SI: variants seen among roughly 807,000 people sequenced by gnomAD.
SI encodes sucrase-isomaltase, intestinal.
SI carries 235 observed loss-of-function variants against 253.3 expected under a neutral mutation model. The ratio of observed to expected loss-of-function variants is 0.93; its 90% CI spans 0.83 to 1.03. The LOEUF (loss-of-function observed/expected upper bound fraction) is 1.03. Ranked by LOEUF, SI falls within the 50% of genes least tolerant of loss-of-function variation. The probability of loss-of-function intolerance (pLI) is 0.00; values close to 1 mark genes in which losing one functional copy is unlikely to be tolerated. For missense variants in SI, 2,442 were observed against 2,211.1 expected (o/e 1.10, Z -2.09); for synonymous variants, 819 against 712.0 (o/e 1.15, Z -2.39).
intron 41 of SI, among the ~76,000 whole-genome samples, chr3:164,993,382 T>TG (rs1396751951): frequency 6.6e-6 from 1 of 151,828 alleles, no homozygotes; most frequent in East Asian, 1.9e-4. Flanking sequence ...CTTTTGTTGT[T>TG]GTTTTAGGAA....
Position 164,992,182 on chromosome 3 carries a change from G to A in SI, c.4978C>T (p.His1660Tyr). ...YVPNARWFDY[H>Y]TGKDIGVRGQ... ...AGAATTCCTTAAATACTTACTGTAT[G>A]GTAGTCAAACCACCGAGCATTGGGG... Residue 1660 changes from histidine (H) to tyrosine (Y), a missense_variant, in exon 43 of 48, where the codon CAT becomes TAT. Coordinates refer to ENST00000264382, the MANE Select transcript of SI (RefSeq NM_001041.4). 1 of 1,609,840 alleles carries A rather than the reference G, an allele frequency of 6.2e-7. No homozygotes were observed.
chr3:165,075,944 TA>T lies in SI; in HGVS notation c.68del (p.Ile23LysfsTer5). The T allele has an allele frequency of 6.2e-7, 1 of 1,600,252 alleles. No homozygotes were observed. The highest frequency in any genetic ancestry group is 8.5e-7 in the Non-Finnish European group (1 of 1,169,798). ...CTAAAACAACAATTAAGGCAATAGC[TA>T]TTATAGTAACTATGACAAAAAGGAC... ...LIVLFVIVTI[I>X]AIALIVVLAT... On this transcript the variant is annotated frameshift_variant, in exon 2 of 48. Coordinates refer to ENST00000264382, the MANE Select transcript of SI (RefSeq NM_001041.4). LOFTEE classifies it high-confidence loss of function.
chr3:165,009,914 C>T (rs1379755527), intron 34 of SI, among the ~76,000 whole-genome samples: 3 of 152,100 alleles, frequency 2.0e-5, no homozygotes, highest in Admixed American at 2.0e-4. Flanking sequence ...AGAATATTCC[C>T]TACTTGCCAG....
At chr3:165,021,166 T>G in intron 27 of SI, 63 bp downstream of exon 27, 1 of 1,450,884 alleles carries the variant, frequency 6.9e-7, no homozygotes, top group Non-Finnish European at 9.7e-7. Flanking sequence ...GTTAATCATT[T>G]TACTTTTCCC....
intron 12 of SI, 74 bp from the exon 13 acceptor site, chr3:165,055,381 G>A (rs979018390): frequency 3.8e-5 from 31 of 813,816 alleles, no homozygotes; most frequent in Non-Finnish European, 6.2e-5. Flanking sequence ...AATTAATAAA[G>A]TTGAGAATAG....
At chr3:165,021,478 T>C in intron 26 of SI, 95 bp from the exon 27 acceptor site, 2 of 975,420 alleles carry the variant, frequency 2.1e-6, no homozygotes, top group African/African-American at 3.3e-5. Flanking sequence ...AACAAGAATA[T>C]TTAGAATTTT....
intron 14 of SI, 132 bp downstream of exon 14, chr3:165,049,659 A>C: frequency 1.6e-6 from 1 of 633,368 alleles, no homozygotes; most frequent in Non-Finnish European, 2.8e-6. Context: ...TGAAGAAAAG[A>C]TAAACAAATT....
At chr3:165,023,816 C>T (rs182639508) in intron 25 of SI, 40 bp from the exon 26 acceptor site, 1 of 1,413,364 alleles carries the variant, frequency 7.1e-7, no homozygotes. Flanking sequence ...AAATTATAAG[C>T]CTTGTAATAT....
chr3:165,043,607 G>A (rs931674225), intron 16 of SI, among the ~76,000 whole-genome samples: 14 of 152,034 alleles, frequency 9.2e-5, no homozygotes, highest in African/African-American at 3.4e-4. Flanking sequence ...GTTGAGCTTT[G>A]AAATTAATTA....
At chr3:165,063,388 T>C (rs1462100992) in intron 8 of SI, 54 bp downstream of exon 8, 11 of 841,778 alleles carry the variant, frequency 1.3e-5, no homozygotes, top group Non-Finnish European at 2.0e-5. Context: ...AAGAGAGCAG[T>C]TAAAACATTT....
chr3:165,054,794 G>A (rs192225370), intron 13 of SI, among the ~76,000 whole-genome samples: 1 of 152,212 alleles, frequency 6.6e-6, no homozygotes, highest in Admixed American at 6.6e-5. Flanking sequence ...AAGGGCAGGG[G>A]CTTATTCAGA....
At chr3:165,079,708 C>T (rs1055472203), upstream of SI, among the ~76,000 whole-genome samples, 6 of 151,456 alleles carry the variant, frequency 4.0e-5, no homozygotes, top group African/African-American at 1.5e-4. Context: ...AAAGCAAGGT[C>T]ACAGGATATA....
At chr3:165,011,951 C>T (rs1334043268) in intron 34 of SI, among the ~76,000 whole-genome samples, 1 of 151,686 alleles carries the variant, frequency 6.6e-6, no homozygotes, top group Non-Finnish European at 1.5e-5. Flanking sequence ...ATGAATTGGC[C>T]CTTTTGTCAT....
Position 165,067,381 on chromosome 3 carries a change from T to C in SI, c.594A>G (p.Pro198=). 3 of 1,611,998 alleles carry C rather than the reference T, an allele frequency of 1.9e-6. No individual in the cohort carries two copies. Among genetic ancestry groups the C allele is most frequent in the Non-Finnish European group, 2.5e-6 (3 of 1,178,630 alleles). ...TTTTCCTAATAACTTGGATGCTAAATGGGTTTTGGGCAACCTTCACATCAT... is the reference window on the plus strand; with the variant it reads ...TTTTCCTAATAACTTGGATGCTAAACGGGTTTTGGGCAACCTTCACATCAT... ...TLYDVKVAQN[P]FSIQVIRKSN... is the part of the protein sequence containing the mutation. Residue 198 remains proline (P), a synonymous_variant, in exon 6 of 48, where the codon CCA becomes CCG. Transcript: ENST00000264382.
At chr3:165,015,894 A>T in intron 32 of SI, 58 bp downstream of exon 32, 1 of 1,480,960 alleles carries the variant, frequency 6.8e-7, no homozygotes, top group Non-Finnish European at 9.4e-7. Context: ...CCACCTGCTC[A>T]TTTTAGGTGA....
At chr3:165,013,939 T>C (rs942812365) in intron 33 of SI, among the ~76,000 whole-genome samples, 5 of 151,992 alleles carry the variant, frequency 3.3e-5, no homozygotes, top group African/African-American at 4.8e-5. Flanking sequence ...GTTGCCCAGG[T>C]TGATCTCGAA....
At chr3:165,052,105 G>A (rs1298028063) in intron 13 of SI, among the ~76,000 whole-genome samples, 2 of 151,896 alleles carry the variant, frequency 1.3e-5, no homozygotes, top group East Asian at 3.9e-4. Context: ...TGTCTATATA[G>A]CAAGATTGTA....
intron 1 of SI, among the ~76,000 whole-genome samples, chr3:165,076,808 A>G (rs183010576): frequency 6.6e-6 from 1 of 151,798 alleles, no homozygotes; most frequent in East Asian, 1.9e-4. Flanking sequence ...TATTTGTTTA[A>G]TTTAATTTTG....
intron 26 of SI, among the ~76,000 whole-genome samples, chr3:165,022,248 A>G (rs1711661323): frequency 6.6e-6 from 1 of 151,476 alleles, no homozygotes; most frequent in Non-Finnish European, 1.5e-5. Flanking sequence ...ATGTGAAAAC[A>G]TATTTTATTT....
Sources: allele counts gnomAD v4.1 joint callset (sites outside exome capture counted in the v4.1 genomes callset), GRCh38; gene constraint gnomAD v4.1.1; transcripts MANE v1.5; gene names NCBI Gene and HGNC (gene_info 2026-07-23, HGNC 2026-07-21).